Variants in TRPM1 observed in about 807,000 individuals in gnomAD.
TRPM1 encodes the protein transient receptor potential cation channel subfamily M member 1, also known as TRPM1-203 APA Isoform, Intron 10.
A neutral mutation model predicts 149.4 loss-of-function variants in TRPM1; 113 were observed. The ratio of observed to expected loss-of-function variants is 0.76; its 90% CI spans 0.65 to 0.88. The LOEUF (loss-of-function observed/expected upper bound fraction) is 0.88. Among genes scored for constraint, TRPM1 ranks in the 40% least tolerant of loss-of-function variants. The pLI is 0.00. For missense variants in TRPM1, 1,976 were observed against 2,038.7 expected (o/e 0.97, Z 0.59); for synonymous variants, 741 against 759.5 (o/e 0.98, Z 0.40).
At chr15:31,096,311 C>A (rs1002149501) in intron 1 of TRPM1, among the ~76,000 whole-genome samples, 1 of 152,172 alleles carries the variant, frequency 6.6e-6, no homozygotes, top group Non-Finnish European at 1.5e-5. Context: ...TATGTGCAGA[C>A]ATCTTATACA....
chr15:31,130,218 C>A (rs1333769049), intron 1 of TRPM1, among the ~76,000 whole-genome samples: 1 of 152,154 alleles, frequency 6.6e-6, no homozygotes, highest in Non-Finnish European at 1.5e-5. Context: ...CTTTGTGCAC[C>A]CCACCCTGCT....
chr15:31,079,000 C>G (rs1596047137), intron 2 of TRPM1, among the ~76,000 whole-genome samples: 1 of 152,256 alleles, frequency 6.6e-6, no homozygotes, highest in Non-Finnish European at 1.5e-5. Context: ...AGCTGGGTTT[C>G]TCACTGCTGG....
Position 31,001,790 on chromosome 15 carries a change from G to A in TRPM1, c.*32C>T, listed in dbSNP as rs2031770822. On this transcript the variant is annotated 3_prime_UTR_variant, in exon 28 of 28. Coordinates refer to ENST00000256552, the MANE Select transcript of TRPM1 (RefSeq NM_001252024.2). Reference sequence around the variant, plus strand: ...ATGACACCCATTAGTGGTTCTGACTGTTAAAAAAAAAAATTAAAGAAACAA... The same window carrying A: ...ATGACACCCATTAGTGGTTCTGACTATTAAAAAAAAAAATTAAAGAAACAA... 1 of 1,596,296 alleles carries A rather than the reference G, an allele frequency of 6.3e-7. No homozygotes were observed. The highest frequency in any genetic ancestry group is 8.5e-7 in the Non-Finnish European group (1 of 1,174,702).
intron 25 of TRPM1, among the ~76,000 whole-genome samples, chr15:31,027,688 G>T (rs1311874301): frequency 6.6e-6 from 1 of 152,208 alleles, no homozygotes; most frequent in Admixed American, 6.5e-5. Flanking sequence ...TCTCAAGCCA[G>T]AAGTTTGGAC....
chr15:31,053,413 G>A (rs981206740), intron 11 of TRPM1, among the ~76,000 whole-genome samples: 1 of 100,738 alleles, frequency 9.9e-6, no homozygotes, highest in Non-Finnish European at 1.9e-5. Context: ...ACCACTCCCG[G>A]CTCATTTTTT....
At chr15:31,089,670 C>T (rs2035169900) in intron 1 of TRPM1, among the ~76,000 whole-genome samples, 1 of 152,230 alleles carries the variant, frequency 6.6e-6, no homozygotes, top group Admixed American at 6.5e-5. Context: ...GGACGGTTCA[C>T]CCTATGATTG....
intron 1 of TRPM1, among the ~76,000 whole-genome samples, chr15:31,126,059 G>T (rs1214789463): frequency 6.6e-6 from 1 of 152,102 alleles, no homozygotes; most frequent in East Asian, 1.9e-4. Flanking sequence ...TTGAACCCGG[G>T]AGGCAGAGAT....
chr15:31,030,296 C>G (rs1381382558), intron 23 of TRPM1, among the ~76,000 whole-genome samples: 2 of 152,158 alleles, frequency 1.3e-5, no homozygotes, highest in African/African-American at 4.8e-5. Flanking sequence ...AAATGTTGGT[C>G]CTGAAATGGA....
chr15:31,089,096 A>G (rs1186149163), intron 1 of TRPM1, among the ~76,000 whole-genome samples: 1 of 152,128 alleles, frequency 6.6e-6, no homozygotes, highest in Non-Finnish European at 1.5e-5. Context: ...AAAAACAAAA[A>G]TCAATACAGA....
At chr15:31,042,759 T>C (rs2033660784) in intron 16 of TRPM1, among the ~76,000 whole-genome samples, 1 of 152,238 alleles carries the variant, frequency 6.6e-6, no homozygotes, top group African/African-American at 2.4e-5. Context: ...ATTCCTCTTT[T>C]AGTGAGCACT....
chr15:31,107,460 G>A (rs542708041), intron 1 of TRPM1, among the ~76,000 whole-genome samples: 1 of 152,176 alleles, frequency 6.6e-6, no homozygotes, highest in African/African-American at 2.4e-5. Context: ...TGTTTAGATG[G>A]CCAGTCTAGC....
intron 13 of TRPM1, among the ~76,000 whole-genome samples, chr15:31,048,224 T>C (rs1387398404): frequency 1.3e-5 from 2 of 152,144 alleles, no homozygotes; most frequent in Admixed American, 1.3e-4. Flanking sequence ...TGCACCACTA[T>C]ACTCCAGCCT....
chr15:31,018,637 G>A (rs950989501), intron 27 of TRPM1, among the ~76,000 whole-genome samples: 1 of 151,624 alleles, frequency 6.6e-6, no homozygotes, highest in Non-Finnish European at 1.5e-5. Flanking sequence ...CACCCAAAGT[G>A]CTGGATTACA....
intron 11 of TRPM1, among the ~76,000 whole-genome samples, chr15:31,051,154 G>C (rs1024879451): frequency 1.2e-4 from 18 of 152,284 alleles, no homozygotes; most frequent in Admixed American, 7.2e-4. Flanking sequence ...ATTCATCAAG[G>C]GGAGTGTGTG....
At chr15:31,126,371 C>T (rs2035951546) in intron 1 of TRPM1, among the ~76,000 whole-genome samples, 2 of 152,292 alleles carry the variant, frequency 1.3e-5, no homozygotes, top group South Asian at 4.1e-4. Context: ...CTGCGAAACT[C>T]CCGTGGGGAT....
chr15:31,014,450 A>G (rs1287623697), intron 27 of TRPM1, among the ~76,000 whole-genome samples: 1 of 152,214 alleles, frequency 6.6e-6, no homozygotes, highest in African/African-American at 2.4e-5. Flanking sequence ...TGTTGTTTTC[A>G]AGGTGACTAC....
At chr15:31,035,700 G>A (rs776871024) in intron 20 of TRPM1, 26 bp from the exon 21 acceptor site, 6 of 1,614,004 alleles carry the variant, frequency 3.7e-6, no homozygotes, top group African/African-American at 2.7e-5. Flanking sequence ...GCTGTTAGCC[G>A]TGTTTGGGGG....
intron 1 of TRPM1, among the ~76,000 whole-genome samples, chr15:31,118,422 T>C (rs186232461): frequency 9.2e-5 from 14 of 152,204 alleles, no homozygotes; most frequent in Admixed American, 2.6e-4. Flanking sequence ...ACCAGAAATG[T>C]TGAAAAACAT....
At chr15:31,057,499 C>T (rs1223267322) in intron 11 of TRPM1, among the ~76,000 whole-genome samples, 1 of 152,100 alleles carries the variant, frequency 6.6e-6, no homozygotes. Flanking sequence ...ACAAGTTTAC[C>T]TACATAACAA....
Sources: gnomAD v4.1 joint callset for allele counts (sites outside exome capture counted in the v4.1 genomes callset) on GRCh38, gnomAD v4.1.1 for gene constraint, MANE v1.5 for transcripts, NCBI Gene and HGNC (gene_info 2026-07-23, HGNC 2026-07-21) for gene names.